Variants in MED12L observed in about 807,000 individuals in gnomAD.
MED12L encodes the protein mediator complex subunit 12L.
A neutral mutation model predicts 281.3 loss-of-function variants in MED12L; 60 were observed. The ratio of observed to expected loss-of-function variants is 0.21; its 90% CI spans 0.17 to 0.26. The LOEUF is 0.26. Ranked by LOEUF, MED12L falls within the 10% of genes least tolerant of loss-of-function variation. The pLI is 1.00. For missense variants in MED12L, 2,146 were observed against 2,680.9 expected, an observed-to-expected ratio of 0.80 and a Z score of 4.41; for synonymous variants, 974 against 987.2, an observed-to-expected ratio of 0.99 and a Z score of 0.25.
At chr3:151,144,856 C>A (rs1372659051) in intron 5 of MED12L, among the ~76,000 whole-genome samples, 1 of 152,200 alleles carries the variant, frequency 6.6e-6, no homozygotes, top group African/African-American at 2.4e-5. Context: ...CCCCGACATA[C>A]CTGCATCATG....
intron 2 of MED12L, among the ~76,000 whole-genome samples, chr3:151,097,667 G>T (rs1434978235): frequency 1.3e-5 from 2 of 152,164 alleles, no homozygotes; most frequent in Non-Finnish European, 2.9e-5. Context: ...TCAGGATGTT[G>T]GCAGTGTCTG....
In MED12L at chr3:151,185,335, G is replaced by T. The variant is rs16863238; in HGVS notation, c.1500G>T (p.Ala500=). ...ANQNKDNQEV[A]PNDEAVVTLL... Reference sequence around the variant, plus strand: ...CCCTCTCTGTTGGTCATTAGGTTGCGCCCAACGATGAAGCTGTGGTGACGC... The same window carrying T: ...CCCTCTCTGTTGGTCATTAGGTTGCTCCCAACGATGAAGCTGTGGTGACGC... Residue 500 remains alanine (A), a synonymous_variant, in exon 12 of 45, where the codon GCG becomes GCT. Coordinates refer to ENST00000687756, the MANE Select transcript of MED12L (RefSeq NM_001393769.1). 1 of 1,613,424 alleles carries T rather than the reference G, an allele frequency of 6.2e-7. No homozygotes were observed. The highest frequency in any genetic ancestry group is 8.5e-7 in the Non-Finnish European group (1 of 1,179,718).
At chr3:151,394,920 CTTGGGATAAGT>C (rs1425526352) in intron 39 of MED12L, 53 bp downstream of exon 39, 3 of 1,608,216 alleles carry the variant, frequency 1.9e-6, no homozygotes, top group East Asian at 2.2e-5. Context: ...CCTCTGCTAG[CTTGGGATAAGT>C]TTGGGATATG....
Position 151,174,124 on chromosome 3 carries a change from C to T in MED12L, c.1494+8142C>T, listed in dbSNP as rs148867274. Among the ~76,000 whole-genome samples, 619 of 152,286 alleles carry T rather than the reference C, an allele frequency of 4.1e-3. 3 individuals are homozygous for T. Among genetic ancestry groups the T allele is most frequent in the African/African-American group, 0.013 (536 of 41,558 alleles). ...GTTTGAAAATCTGAAGTGTGAAATA[C>T]TCCAGTGAGCATTTCCTTTGCGCAT... On this transcript the variant is annotated intron_variant, in intron 11 of 44. Transcript: ENST00000687756.
chr3:151,250,854 G>C (rs895698504), intron 16 of MED12L, among the ~76,000 whole-genome samples: 1 of 152,180 alleles, frequency 6.6e-6, no homozygotes, highest in Non-Finnish European at 1.5e-5. Context: ...TTTCCATAGA[G>C]GCTGAATGAA....
chr3:151,153,008 G>T (rs1430538097), intron 5 of MED12L, among the ~76,000 whole-genome samples: 2 of 152,208 alleles, frequency 1.3e-5, no homozygotes, highest in East Asian at 3.8e-4. Context: ...TATGTAATGT[G>T]ACACATCTCT....
At chr3:151,244,103 C>T (rs1215125557) in intron 16 of MED12L, among the ~76,000 whole-genome samples, 2 of 117,240 alleles carry the variant, frequency 1.7e-5, no homozygotes, top group Non-Finnish European at 3.9e-5. Flanking sequence ...ACAGGAGCAC[C>T]AAGATTCATA....
chr3:151,316,336 A>G (rs574860036), intron 16 of MED12L: 5 of 152,310 alleles, frequency 3.3e-5, no homozygotes, highest in African/African-American at 1.2e-4. Context: ...AATGTACTAA[A>G]TAGGAGTGAT....
At chr3:151,259,138 C>T (rs1335068140) in intron 16 of MED12L, among the ~76,000 whole-genome samples, 1 of 152,144 alleles carries the variant, frequency 6.6e-6, no homozygotes, top group East Asian at 1.9e-4. Flanking sequence ...AAAGGTTCAC[C>T]TAAGGTGGTG....
chr3:151,293,576 TACACACACACACACACAC>T (rs55846173), intron 16 of MED12L, among the ~76,000 whole-genome samples: 4 of 76,226 alleles, frequency 5.2e-5, no homozygotes, highest in Non-Finnish European at 9.7e-5. Flanking sequence ...ATGAAGCCCT[TACACACACACACACACAC>T]ACACACACAC....
At chr3:151,123,839 G>A (rs1416174049) in intron 4 of MED12L, among the ~76,000 whole-genome samples, 1 of 152,186 alleles carries the variant, frequency 6.6e-6, no homozygotes, top group African/African-American at 2.4e-5. Context: ...TTTGAAAATA[G>A]TGTCTGTAGC....
intron 23 of MED12L, among the ~76,000 whole-genome samples, chr3:151,366,777 G>A (rs1447588942): frequency 1.3e-5 from 2 of 152,076 alleles, no homozygotes; most frequent in Non-Finnish European, 2.9e-5. Flanking sequence ...AAGAATTTAT[G>A]TATATAAAAT....
intron 27 of MED12L, among the ~76,000 whole-genome samples, chr3:151,374,049 A>G (rs901469947): frequency 2.6e-5 from 4 of 151,980 alleles, no homozygotes; most frequent in South Asian, 4.2e-4. Context: ...CAACCCCACA[A>G]AGTTGTTCTG....
chr3:151,289,812 G>A (rs915539995), intron 16 of MED12L, among the ~76,000 whole-genome samples: 1 of 152,002 alleles, frequency 6.6e-6, no homozygotes, highest in African/African-American at 2.4e-5. Context: ...TAAATCAGAT[G>A]TATGGTTCAA....
At chr3:151,317,749 C>T (rs1240009129) in intron 16 of MED12L, among the ~76,000 whole-genome samples, 1 of 152,002 alleles carries the variant, frequency 6.6e-6, no homozygotes, top group Non-Finnish European at 1.5e-5. Flanking sequence ...TGCGCCCGGC[C>T]ACTTTTTCTG....
intron 25 of MED12L, among the ~76,000 whole-genome samples, chr3:151,369,194 C>G (rs1755868924): frequency 6.6e-6 from 1 of 152,098 alleles, no homozygotes; most frequent in East Asian, 1.9e-4. Flanking sequence ...ATGTGAAGGT[C>G]CTACTAATCT....
Position 151,294,369 on chromosome 3 carries a change from A to G in MED12L, c.2251-55690A>G, listed in dbSNP as rs773631218. 5.0e-6 allele frequency: 8 copies of G among 1,614,100 alleles called. No homozygotes were observed. In the East Asian group the frequency reaches 1.6e-4, roughly 31 times the overall value. ...AAAAGTGTAATTTCTTTGCAGTAAT[A>G]TAGGATTTTTTGTGCAGATTCATCT... On this transcript the variant is annotated intron_variant, in intron 16 of 44. Coordinates refer to ENST00000687756, the MANE Select transcript of MED12L (RefSeq NM_001393769.1).
chr3:151,135,045 T>C (rs1055907335), intron 5 of MED12L, among the ~76,000 whole-genome samples: 20 of 152,344 alleles, frequency 1.3e-4, no homozygotes, highest in Admixed American at 9.8e-4. Flanking sequence ...TATTTTTATT[T>C]GAGATGGAGT....
At chr3:151,158,193 T>C (rs1719533573) in intron 6 of MED12L, among the ~76,000 whole-genome samples, 1 of 152,190 alleles carries the variant, frequency 6.6e-6, no homozygotes, top group African/African-American at 2.4e-5. Context: ...TATTAGGTCA[T>C]TGATTTTTAA....
Sources: allele counts gnomAD v4.1 joint callset (sites outside exome capture counted in the v4.1 genomes callset), GRCh38; gene constraint gnomAD v4.1.1; transcripts MANE v1.5; gene names NCBI Gene and HGNC (gene_info 2026-07-23, HGNC 2026-07-21).